DAB1: variants seen among roughly 807,000 people sequenced by gnomAD.
The protein encoded by DAB1 is disabled homolog 1.
A neutral mutation model predicts 64.6 loss-of-function variants in DAB1; 15 were observed. The observed-to-expected ratio is 0.23, with a 90% confidence interval of 0.16 to 0.36. DAB1 has a LOEUF of 0.36. Ranked by LOEUF, DAB1 falls within the 10% of genes least tolerant of loss-of-function variation. DAB1 has a pLI of 1.00. For missense variants in DAB1, 596 were observed against 706.7 expected (o/e 0.84, Z 1.78); for synonymous variants, 235 against 251.9 (o/e 0.93, Z 0.64).
At chr1:57,926,720 C>G (rs553378834) in intron 5 of DAB1, among the ~76,000 whole-genome samples, 3 of 152,218 alleles carry the variant, frequency 2.0e-5, no homozygotes, top group African/African-American at 7.2e-5. Flanking sequence ...CAGATGGCCT[C>G]TACTTACAAA....
intron 6 of DAB1, among the ~76,000 whole-genome samples, chr1:57,719,281 AT>A (rs1647122751): frequency 6.6e-6 from 1 of 152,202 alleles, no homozygotes; most frequent in Non-Finnish European, 1.5e-5. Context: ...ATGCTCTGGT[AT>A]TTACAGGAGC....
In DAB1 at chr1:57,506,117, T is replaced by G. The variant is rs796975649; in HGVS notation, n.625+143475A>C. On this transcript the variant is annotated intron_variant and non_coding_transcript_variant, in intron 7 of 20. Transcript: ENST00000485760. ...AACTTATACTTAGGGGAAGCCCTTC[T>G]TGCGGTGCCAGAGTCCTCCTGAGCC... 3.0e-4 allele frequency among the ~76,000 whole-genome samples: 45 copies of G among 152,368 alleles called. 1 individual carries two copies. The highest frequency in any genetic ancestry group is 1.1e-3 in the African/African-American group (44 of 41,594).
chr1:57,709,093 A>G (rs1570757387), intron 6 of DAB1, among the ~76,000 whole-genome samples: 1 of 152,024 alleles, frequency 6.6e-6, no homozygotes, highest in East Asian at 1.9e-4. Context: ...AATTTTTTCT[A>G]TTCTCTTTTC....
rs534370304 is a variant in DAB1 at position 57,537,338 on chromosome 1, A to G, written n.625+112254T>C. ...GGAAATTCTGAATTATTAGGTTCTTATGAGGCTTCAGAGTCTATTTTTGCG... is the reference window on the plus strand; with the variant it reads ...GGAAATTCTGAATTATTAGGTTCTTGTGAGGCTTCAGAGTCTATTTTTGCG... On this transcript the variant is annotated intron_variant and non_coding_transcript_variant, in intron 7 of 20. Transcript: ENST00000485760. 5.9e-5 allele frequency among the ~76,000 whole-genome samples: 9 copies of G among 152,244 alleles called. No homozygotes were observed. In the South Asian group the frequency reaches 1.9e-3, roughly 32 times the overall value.
Position 58,464,237 on chromosome 1 carries a change from C to T in DAB1, n.257+41823G>A, listed in dbSNP as rs185077131. ...CTATACCATGTGTATGCATGGAAGA[C>T]ATCAATGTGTGTATTGTCATGCATA... On this transcript the variant is annotated intron_variant and non_coding_transcript_variant, in intron 3 of 20. Transcript: ENST00000485760. Among the ~76,000 whole-genome samples the T allele has an allele frequency of 6.1e-3, 928 of 152,280 alleles. 9 individuals are homozygous for T. The highest frequency in any genetic ancestry group is 9.0e-3 in the Non-Finnish European group (615 of 68,032).
At chr1:58,300,544 AAAAGAAAGAAAGAAAGAAAGAAAGAAAG>A (rs71043285) in intron 4 of DAB1, among the ~76,000 whole-genome samples, 3 of 101,186 alleles carry the variant, frequency 3.0e-5, no homozygotes, top group African/African-American at 1.3e-4. Flanking sequence ...TGAAACTCTG[AAAAGAAAGAAAGAAAGAAAGAAAGAAAG>A]AAAGAAAGAA....
At chr1:58,359,767 G>T (rs1168742697) in intron 3 of DAB1, among the ~76,000 whole-genome samples, 5 of 152,126 alleles carry the variant, frequency 3.3e-5, no homozygotes, top group Non-Finnish European at 7.4e-5. Context: ...TATGTTTCTG[G>T]CTCAACGTTG....
chr1:58,531,042 T>C (rs1192367704), intron 1 of DAB1, among the ~76,000 whole-genome samples: 2 of 152,208 alleles, frequency 1.3e-5, no homozygotes, highest in South Asian at 2.1e-4. Context: ...CCTACATTTA[T>C]AGATAATGAA....
At chr1:57,332,379 T>C (rs553166010) in intron 1 of DAB1, among the ~76,000 whole-genome samples, 1 of 152,320 alleles carries the variant, frequency 6.6e-6, no homozygotes, top group East Asian at 1.9e-4. Flanking sequence ...TATGCCTCAG[T>C]CTCTCAACTG....
intron 3 of DAB1, among the ~76,000 whole-genome samples, chr1:58,490,976 T>A (rs1187835749): frequency 6.6e-6 from 1 of 151,500 alleles, no homozygotes; most frequent in African/African-American, 2.4e-5. Context: ...CGGCTAAATT[T>A]TTTTGTATTT....
chr1:58,338,416 T>G (rs1207264116), intron 4 of DAB1, among the ~76,000 whole-genome samples: 2 of 152,234 alleles, frequency 1.3e-5, no homozygotes, highest in Non-Finnish European at 2.9e-5. Flanking sequence ...AGCCTTCATA[T>G]GGAATTAAGG....
intron 4 of DAB1, among the ~76,000 whole-genome samples, chr1:58,253,241 T>A (rs936500951): frequency 6.6e-6 from 1 of 152,218 alleles, no homozygotes; most frequent in Non-Finnish European, 1.5e-5. Context: ...AAGGAAATGC[T>A]CTAAGGATTT....
At chr1:58,214,231 T>C (rs1658722608) in intron 4 of DAB1, among the ~76,000 whole-genome samples, 1 of 152,188 alleles carries the variant, frequency 6.6e-6, no homozygotes, top group South Asian at 2.1e-4. Context: ...TTCTGTCTCC[T>C]CTTTCAGTTG....
At chr1:58,389,580 C>T (rs1021322874) in intron 3 of DAB1, among the ~76,000 whole-genome samples, 4 of 152,178 alleles carry the variant, frequency 2.6e-5, no homozygotes, top group African/African-American at 7.2e-5. Flanking sequence ...ACTTACATCA[C>T]CTAGGATAGA....
chr1:57,803,096 C>T (rs1358458298), intron 6 of DAB1, among the ~76,000 whole-genome samples: 2 of 152,112 alleles, frequency 1.3e-5, no homozygotes, highest in African/African-American at 4.8e-5. Flanking sequence ...GGTAACTTGT[C>T]CTTCCTTGAA....
intron 2 of DAB1, among the ~76,000 whole-genome samples, chr1:57,269,509 T>G (rs1570113748): frequency 6.6e-6 from 1 of 151,980 alleles, no homozygotes; most frequent in East Asian, 1.9e-4. Context: ...ACAGAACAAA[T>G]ATGAAGGTCA....
chr1:57,003,493 CTT>C (rs539227603), intron 14 of DAB1, among the ~76,000 whole-genome samples: 3 of 147,220 alleles, frequency 2.0e-5, no homozygotes, highest in Non-Finnish European at 4.5e-5. Flanking sequence ...GGACATACTG[CTT>C]TTTTTTTTTA....
chr1:57,809,712 C>CA (rs1651527901), intron 6 of DAB1, among the ~76,000 whole-genome samples: 1 of 152,072 alleles, frequency 6.6e-6, no homozygotes, highest in Non-Finnish European at 1.5e-5. Flanking sequence ...CACATGACAC[C>CA]ATAGCAACGA....
chr1:57,405,375 G>T (rs1296297085), intron 1 of DAB1, among the ~76,000 whole-genome samples: 1 of 152,286 alleles, frequency 6.6e-6, no homozygotes, highest in African/African-American at 2.4e-5. Flanking sequence ...TCCTTTACCG[G>T]AAATGGTCCA....
Sources: gnomAD v4.1 joint callset for allele counts (sites outside exome capture counted in the v4.1 genomes callset) on GRCh38, gnomAD v4.1.1 for gene constraint, MANE v1.5 for transcripts, NCBI Gene and HGNC (gene_info 2026-07-23, HGNC 2026-07-21) for gene names.